ADK: variants seen among roughly 807,000 people sequenced by gnomAD.
The protein encoded by ADK is adenosine kinase.
In ADK, 24 loss-of-function variants were observed where a neutral mutation model predicts 44.7. The ratio of observed to expected loss-of-function variants is 0.54; its 90% confidence interval spans 0.39 to 0.76. The LOEUF is 0.76. ADK is among the 30% of genes least tolerant of loss of function. The pLI, the probability that ADK is intolerant of heterozygous loss-of-function variation, is 0.00. For synonymous variants in ADK, 128 were observed against 142.6 expected (o/e 0.90, Z 0.73); for missense variants, 321 against 425.1 (o/e 0.76, Z 2.15).
intron 7 of ADK, among the ~76,000 whole-genome samples, chr10:74,565,202 G>A (rs1052864925): frequency 6.6e-6 from 1 of 152,192 alleles, no homozygotes; most frequent in African/African-American, 2.4e-5. Context: ...GAGAGGAGGA[G>A]TTGGAGCCTA....
chr10:74,651,466 A>C (rs1422379229), intron 9 of ADK, among the ~76,000 whole-genome samples: 1 of 152,196 alleles, frequency 6.6e-6, no homozygotes. Context: ...AGAAAACTTA[A>C]GGGGTTGTAT....
At chr10:74,183,228 A>G (rs1275266120) in intron 1 of ADK, among the ~76,000 whole-genome samples, 1 of 152,208 alleles carries the variant, frequency 6.6e-6, no homozygotes, top group Non-Finnish European at 1.5e-5. Flanking sequence ...CTGGGATTAC[A>G]GGCATGAGCC....
At chr10:74,382,013 A>G (rs1353567147) in intron 4 of ADK, among the ~76,000 whole-genome samples, 1 of 152,138 alleles carries the variant, frequency 6.6e-6, no homozygotes. Flanking sequence ...GATTTTGTAG[A>G]ATTTCTGGGC....
At chr10:74,680,188 G>T (rs561000520) in intron 10 of ADK, among the ~76,000 whole-genome samples, 1 of 151,888 alleles carries the variant, frequency 6.6e-6, no homozygotes, top group East Asian at 1.9e-4. Context: ...GGTGGCAGAC[G>T]CCTGTAGTCC....
intron 10 of ADK, among the ~76,000 whole-genome samples, chr10:74,699,370 G>A (rs1369183767): frequency 6.6e-6 from 1 of 151,308 alleles, no homozygotes; most frequent in Non-Finnish European, 1.5e-5. Flanking sequence ...TACTTAAAAT[G>A]CAGGGAACTT....
intron 3 of ADK, among the ~76,000 whole-genome samples, chr10:74,306,968 T>A (rs1276823553): frequency 6.6e-6 from 1 of 152,204 alleles, no homozygotes; most frequent in Non-Finnish European, 1.5e-5. Flanking sequence ...ATGTTACTAC[T>A]TCAGCCTTAT....
chr10:74,575,516 G>T (rs925538304), intron 7 of ADK, among the ~76,000 whole-genome samples: 1 of 152,192 alleles, frequency 6.6e-6, no homozygotes, highest in Non-Finnish European at 1.5e-5. Context: ...ATTTTGACAA[G>T]AGTGGTTGAA....
intron 4 of ADK, among the ~76,000 whole-genome samples, chr10:74,353,268 G>A (rs1440148445): frequency 6.6e-6 from 1 of 152,136 alleles, no homozygotes; most frequent in Non-Finnish European, 1.5e-5. Context: ...GGGACATGAT[G>A]AAGCTGGAAA....
chr10:74,562,334 GA>G (rs1850493560), intron 7 of ADK, among the ~76,000 whole-genome samples: 1 of 152,154 alleles, frequency 6.6e-6, no homozygotes, highest in Admixed American at 6.5e-5. Context: ...TATATATGGG[GA>G]AGGAAAGAGA....
chr10:74,500,342 A>G (rs752822850), intron 6 of ADK, among the ~76,000 whole-genome samples: 1 of 152,206 alleles, frequency 6.6e-6, no homozygotes, highest in East Asian at 1.9e-4. Context: ...ATCTTCGTGA[A>G]GATTCTGAAT....
At chr10:74,294,293 T>C (rs1379132328) in intron 3 of ADK, among the ~76,000 whole-genome samples, 50 of 150,836 alleles carry the variant, frequency 3.3e-4, no homozygotes, top group Admixed American at 4.6e-4. Flanking sequence ...TCTTTCTTTT[T>C]TTTTTTTTTT....
chr10:74,652,952 T>G (rs919737519), intron 9 of ADK, among the ~76,000 whole-genome samples: 1 of 152,192 alleles, frequency 6.6e-6, no homozygotes, highest in African/African-American at 2.4e-5. Context: ...AAGAGAAATG[T>G]ACGATCAATT....
intron 7 of ADK, among the ~76,000 whole-genome samples, chr10:74,529,057 G>A (rs578100035): frequency 8.5e-5 from 13 of 152,100 alleles, no homozygotes; most frequent in Non-Finnish European, 1.5e-4. Context: ...TCAGATAATT[G>A]TACACCAATG....
chr10:74,653,793 T>TA (rs1211476601), intron 9 of ADK, among the ~76,000 whole-genome samples: 1 of 152,228 alleles, frequency 6.6e-6, no homozygotes, highest in East Asian at 1.9e-4. Context: ...TATTGGACAA[T>TA]AAATGGTACT....
At chr10:74,586,820 C>T (rs936133123) in intron 7 of ADK, among the ~76,000 whole-genome samples, 1 of 150,326 alleles carries the variant, frequency 6.7e-6, no homozygotes, top group African/African-American at 2.5e-5. Context: ...CACCACTGCA[C>T]TCCAGCCAGG....
At chr10:74,363,866 A>G (rs535757477) in intron 4 of ADK, among the ~76,000 whole-genome samples, 2 of 152,266 alleles carry the variant, frequency 1.3e-5, no homozygotes, top group South Asian at 2.1e-4. Flanking sequence ...TCATTAGCTC[A>G]AATGGGCACC....
At chr10:74,546,623 A>C (rs1849827088) in intron 7 of ADK, among the ~76,000 whole-genome samples, 1 of 152,122 alleles carries the variant, frequency 6.6e-6, no homozygotes, top group South Asian at 2.1e-4. Context: ...AATTACTTAT[A>C]AGTCTCTTGA....
intron 1 of ADK, among the ~76,000 whole-genome samples, 186 bp downstream of exon 1, chr10:74,151,529 G>C (rs1841588165): frequency 6.6e-6 from 1 of 152,204 alleles, no homozygotes; most frequent in South Asian, 2.1e-4. Context: ...GTTTGGCTGA[G>C]TCCCCGCCTG....
In ADK at chr10:74,600,348, A is replaced by T. The variant is rs763568043; in HGVS notation, c.763-31A>T. On this transcript the variant is annotated intron_variant, in intron 8 of 10. Transcript: ENST00000539909. ...AAAGTTTTGTTTTATTTTATTGGTC[A>T]TGAGAATTTTTTCCTTCCTTCTATT... 15 of 1,431,080 alleles carry T rather than the reference A, an allele frequency of 1.0e-5. No individual in the cohort carries two copies. The African/African-American group carries it at 1.7e-4, about 16-fold the overall frequency. 88.6% of individuals were successfully genotyped at this position (1,431,080 alleles called of 1,614,324 possible).
Sources: allele counts gnomAD v4.1 joint callset (sites outside exome capture counted in the v4.1 genomes callset), GRCh38; gene constraint gnomAD v4.1.1; transcripts MANE v1.5; gene names NCBI Gene and HGNC (gene_info 2026-07-23, HGNC 2026-07-21).